MXD4: variants seen among roughly 807,000 people sequenced by gnomAD.
The protein encoded by MXD4 is MAX dimerization protein 4, also known as Mad4 homolog.
MXD4 carries 16 observed loss-of-function variants against 24.5 expected under a neutral mutation model. That is an observed-to-expected ratio of 0.65 (90% CI 0.44 to 0.99). The LOEUF (loss-of-function observed/expected upper bound fraction) is 0.99. Among genes scored for constraint, MXD4 ranks in the 50% least tolerant of loss-of-function variants. The pLI, the probability that MXD4 is intolerant of heterozygous loss-of-function variation, is 0.00. For synonymous variants in MXD4, 164 were observed against 134.2 expected (o/e 1.22, Z -1.54); for missense variants, 301 against 301.5 (o/e 1.00, Z 0.01).
intron 3 of MXD4, among the ~76,000 whole-genome samples, chr4:2,255,773 C>T (rs1735413097): frequency 6.6e-6 from 1 of 152,180 alleles, no homozygotes; most frequent in Non-Finnish European, 1.5e-5. Flanking sequence ...GACAGCAGCC[C>T]CACCTCTGAC....
At position 2,261,722 on chromosome 4, in the gene MXD4, T is replaced by C; in HGVS notation, c.164+3A>G. The C allele has an allele frequency of 1.5e-6, 2 of 1,373,784 alleles. No homozygotes were observed. Among genetic ancestry groups the C allele is most frequent in the South Asian group, 1.5e-5 (1 of 68,202 alleles). 85.1% of individuals were successfully genotyped at this position (1,373,784 alleles called of 1,614,324 possible). ...GGGCGGGGTCGGGAGCGGGGGGCGG[T>C]ACCTGTTGTTCGGGGCCTTGCGCAC... On this transcript the variant is annotated splice_donor_region_variant and intron_variant, in intron 2 of 5. Coordinates refer to ENST00000337190, the MANE Select transcript of MXD4 (RefSeq NM_006454.3).
At chr4:2,258,754 C>T (rs1430621356) in intron 2 of MXD4, 5 of 375,552 alleles carry the variant, frequency 1.3e-5, no homozygotes, top group East Asian at 7.8e-5. Context: ...GGATGCTTCC[C>T]AGGCCAGTAG....
intron 2 of MXD4, among the ~76,000 whole-genome samples, chr4:2,259,695 A>G (rs975331881): frequency 2.4e-4 from 37 of 152,136 alleles, no homozygotes; most frequent in African/African-American, 8.7e-4. Flanking sequence ...CTGGGCCCAG[A>G]GACCCTTGGG....
At chr4:2,258,744 G>A (rs1735480490) in intron 2 of MXD4, 13 of 362,522 alleles carry the variant, frequency 3.6e-5, no homozygotes, top group South Asian at 2.6e-4. Flanking sequence ...TCTGAGATGT[G>A]GATGCTTCCC....
chr4:2,261,666 T>C, intron 2 of MXD4, 59 bp downstream of exon 2: 1 of 1,018,222 alleles, frequency 9.8e-7, no homozygotes, highest in Non-Finnish European at 1.2e-6. Flanking sequence ...GAGAGCACGC[T>C]CCGGGCGGGG....
chr4:2,259,304 C>A (rs773996064), intron 2 of MXD4, among the ~76,000 whole-genome samples: 8 of 152,126 alleles, frequency 5.3e-5, no homozygotes, highest in Non-Finnish European at 8.8e-5. Context: ...AGACCCAGGT[C>A]TCAGGGTCCG....
chr4:2,261,870 C>T, intron 1 of MXD4, 46 bp from the exon 2 acceptor site: 4 of 1,389,236 alleles, frequency 2.9e-6, no homozygotes, highest in Non-Finnish European at 3.7e-6. Context: ...GGCACGGCCC[C>T]GCCGCCCGCC....
intron 3 of MXD4, among the ~76,000 whole-genome samples, chr4:2,256,039 G>T (rs1299005112): frequency 1.3e-5 from 2 of 152,214 alleles, no homozygotes; most frequent in African/African-American, 4.8e-5. Flanking sequence ...GCTGCAGGGG[G>T]CTCCTGGGGA....
At position 2,250,737 on chromosome 4, in the gene MXD4, T is replaced by G. The variant is rs372227768; in HGVS notation, c.473-36A>C. 3.8e-6 allele frequency: 6 copies of G among 1,596,396 alleles called. No homozygotes were observed. The African/African-American group carries it at 6.7e-5, about 18-fold the overall frequency. On this transcript the variant is annotated intron_variant, in intron 5 of 5. Coordinates refer to ENST00000337190, the MANE Select transcript of MXD4 (RefSeq NM_006454.3). Reference sequence around the variant, plus strand: ...TAGAGTGGGGATGGGGTCAGGCCACTCTGAGGGTGCCAGCCCATTTCTCCC... The same window carrying G: ...TAGAGTGGGGATGGGGTCAGGCCACGCTGAGGGTGCCAGCCCATTTCTCCC...
At position 2,248,871 on chromosome 4, in the gene MXD4, G is replaced by A. The variant is rs957490569; in HGVS notation, c.*1673C>T. 3 of 152,364 alleles carry A rather than the reference G, an allele frequency of 2.0e-5. No homozygotes were observed. Among genetic ancestry groups the A allele is most frequent in the Admixed American group, 1.3e-4 (2 of 15,286 alleles). The allele number at this position is 152,364 out of a possible 1,614,324, so 9.4% of individuals were successfully genotyped here. On this transcript the variant is annotated 3_prime_UTR_variant, in exon 6 of 6. Coordinates refer to ENST00000337190, the MANE Select transcript of MXD4 (RefSeq NM_006454.3). ...CTATGGGCCAGCCCCAAGGACAGAGGACGTCAGGAAGGAAAGGCGGGTGCA... is the reference window on the plus strand; with the variant it reads ...CTATGGGCCAGCCCCAAGGACAGAGAACGTCAGGAAGGAAAGGCGGGTGCA...
rs1735551699 is a variant in MXD4 at position 2,261,736 on chromosome 4, G to C, written c.153C>G (p.Ala51=). The change falls in exon 2 of 6, where the codon GCC becomes GCG. Residue 51 remains alanine, a synonymous_variant. Transcript: ENST00000337190. ...GCGGGGGGCGGTACCTGTTGTTCGG[G>C]GCCTTGCGCACCAGGCCGGCCGCCT... ...KTKAAGLVRK[A]PNNRSSHNEL... 2 of 1,410,240 alleles carry C rather than the reference G, an allele frequency of 1.4e-6. No individual in the cohort carries two copies. Among genetic ancestry groups the C allele is most frequent in the Non-Finnish European group, 1.9e-6 (2 of 1,074,268 alleles). The allele number at this position is 1,410,240 out of a possible 1,614,324, so 87.4% of individuals were successfully genotyped here. A position where few individuals can be genotyped will look rare whatever the true frequency, so the allele number is the denominator to read the frequency against.
chr4:2,252,675 C>G lies in MXD4; in HGVS notation c.195-153G>C, dbSNP rs528092271. ...TCCCCTCCTGGCCTGGTTGGGAACC[C>G]CCGTCCCCCACCCCCAGGAGGAGCC... is the stretch of plus-strand genomic sequence containing the variant. On this transcript the variant is annotated intron_variant, in intron 3 of 5. Coordinates refer to ENST00000337190, the MANE Select transcript of MXD4 (RefSeq NM_006454.3). The G allele has an allele frequency of 8.7e-4, 510 of 587,838 alleles. 5 individuals are homozygous for G. Among genetic ancestry groups the G allele is most frequent in the African/African-American group, 8.6e-3 (453 of 52,636 alleles). 36.4% of individuals were successfully genotyped at this position (587,838 alleles called of 1,614,324 possible). A position where few individuals can be genotyped will look rare whatever the true frequency, so the allele number is the denominator to read the frequency against.
At chr4:2,251,343 TC>T in intron 4 of MXD4, 97 bp from the exon 5 acceptor site, 5 of 1,376,422 alleles carry the variant, frequency 3.6e-6, no homozygotes, top group Admixed American at 2.8e-5. Flanking sequence ...CCCGGGAGGT[TC>T]CCCATCCCTG....
At position 2,260,176 on chromosome 4, in the gene MXD4, A is replaced by G. The variant is rs1735510687; in HGVS notation, c.164+1549T>C. On this transcript the variant is annotated intron_variant, in intron 2 of 5. Transcript: ENST00000337190. ...GGCCCAGAGGAGCCAGGGGAGATGC[A>G]CCAGAGTTGGGGAGCCCTCTGTCTC... is the stretch of plus-strand genomic sequence containing the variant. 2.0e-5 allele frequency among the ~76,000 whole-genome samples: 3 copies of G among 152,286 alleles called. No individual in the cohort carries two copies. The East Asian group carries it at 5.8e-4, about 29-fold the overall frequency.
intron 2 of MXD4, among the ~76,000 whole-genome samples, chr4:2,258,427 C>T (rs537987150): frequency 1.4e-4 from 21 of 152,220 alleles, no homozygotes; most frequent in African/African-American, 7.2e-5. Context: ...GGACCTAGGC[C>T]CCCTTCCAGA....
intron 1 of MXD4, 30 bp downstream of exon 1, chr4:2,261,887 C>T (rs777946601): frequency 9.9e-6 from 14 of 1,413,384 alleles, no homozygotes; most frequent in Non-Finnish European, 1.3e-5. Context: ...CGCCCACCGC[C>T]GCGGGCGCAC....
intron 3 of MXD4, among the ~76,000 whole-genome samples, chr4:2,257,695 C>T (rs571147478): frequency 6.6e-6 from 1 of 152,354 alleles, no homozygotes; most frequent in South Asian, 2.1e-4. Context: ...GCCAAGGGCC[C>T]TGACTGTCAC....
At chr4:2,261,248 C>T (rs1377718680) in intron 2 of MXD4, among the ~76,000 whole-genome samples, 6 of 151,954 alleles carry the variant, frequency 3.9e-5, no homozygotes, top group Non-Finnish European at 7.4e-5. Flanking sequence ...GGAAGGTGGC[C>T]GAGCAGCAGA....
chr4:2,251,921 G>A (rs61789368), intron 4 of MXD4, among the ~76,000 whole-genome samples: 11 of 152,122 alleles, frequency 7.2e-5, no homozygotes, highest in Admixed American at 1.3e-4. Flanking sequence ...TTTGGGGGGC[G>A]GTCCCAGGGA....
Sources: allele counts gnomAD v4.1 joint callset (sites outside exome capture counted in the v4.1 genomes callset), GRCh38; gene constraint gnomAD v4.1.1; transcripts MANE v1.5; gene names NCBI Gene and HGNC (gene_info 2026-07-23, HGNC 2026-07-21).